CPEB1: variants seen among roughly 807,000 people sequenced by gnomAD.
CPEB1 encodes the protein cytoplasmic polyadenylation element binding protein 1.
Under a neutral mutation model 65.8 loss-of-function variants are expected in CPEB1, and 7 were observed. That is an observed-to-expected ratio of 0.11 (90% confidence interval 0.06 to 0.20). CPEB1 has a LOEUF of 0.20. Among genes scored for constraint, CPEB1 ranks in the 10% least tolerant of loss-of-function variants. The probability of loss-of-function intolerance (pLI) is 1.00; values close to 1 mark genes in which losing one functional copy is unlikely to be tolerated. For missense variants in CPEB1, 551 were observed against 712.2 expected, an observed-to-expected ratio of 0.77 and a Z score of 2.58; for synonymous variants, 262 against 260.0, an observed-to-expected ratio of 1.01 and a Z score of -0.08.
chr15:82,554,955 T>C (rs1567172967), intron 6 of CPEB1, among the ~76,000 whole-genome samples: 1 of 152,110 alleles, frequency 6.6e-6, no homozygotes, highest in Non-Finnish European at 1.5e-5. Flanking sequence ...GCCAAAATCA[T>C]TAGGTGAACA....
At position 82,609,386 on chromosome 15, in the gene CPEB1, A is replaced by T. The variant is rs1312931101; in HGVS notation, c.271+17807T>A. 2.0e-5 allele frequency among the ~76,000 whole-genome samples: 3 copies of T among 152,082 alleles called. No individual in the cohort carries two copies. The East Asian group carries it at 5.8e-4, about 29-fold the overall frequency. On this transcript the variant is annotated intron_variant, in intron 3 of 12. Transcript: ENST00000684509. ...CATGGTGGTGCACAACTGTAGTCCC[A>T]GCTGCTCAAGAGGCTGAGGTGGGAG... is the stretch of plus-strand genomic sequence containing the variant.
chr15:82,614,905 C>G lies in CPEB1; in HGVS notation c.271+12288G>C, dbSNP rs1470765433. On this transcript the variant is annotated intron_variant, in intron 3 of 12. Transcript: ENST00000684509. ...TATATATATATATGACCTCAGCCAA[C>G]GCTCTCACAACTGCATCTTTATATA... Among the ~76,000 whole-genome samples the G allele has an allele frequency of 3.3e-5, 5 of 151,622 alleles. No individual in the cohort carries two copies. In the East Asian group the frequency reaches 9.6e-4, roughly 29 times the overall value.
At chr15:82,596,741 G>A (rs1215790374) in intron 3 of CPEB1, among the ~76,000 whole-genome samples, 1 of 149,158 alleles carries the variant, frequency 6.7e-6, no homozygotes, top group African/African-American at 2.5e-5. Flanking sequence ...ATTATTTATA[G>A]CAAGAAGATA....
At chr15:82,546,389 C>T in intron 12 of CPEB1, 52 bp downstream of exon 12, 1 of 1,503,790 alleles carries the variant, frequency 6.6e-7, no homozygotes, top group East Asian at 2.3e-5. Context: ...ACCACCGCGC[C>T]CAGCCAACAA....
At chr15:82,591,109 C>G (rs2042216577) in intron 3 of CPEB1, among the ~76,000 whole-genome samples, 1 of 152,138 alleles carries the variant, frequency 6.6e-6, no homozygotes, top group Non-Finnish European at 1.5e-5. Context: ...TCCACAATGG[C>G]TGAACTAATT....
chr15:82,621,690 A>C (rs1235220921), intron 3 of CPEB1, among the ~76,000 whole-genome samples: 1 of 152,046 alleles, frequency 6.6e-6, no homozygotes, highest in Non-Finnish European at 1.5e-5. Context: ...AAAAGTCAGC[A>C]GTCTATTTAG....
chr15:82,645,783 G>A (rs1445848234), intron 1 of CPEB1, among the ~76,000 whole-genome samples: 1 of 152,012 alleles, frequency 6.6e-6, no homozygotes, highest in Non-Finnish European at 1.5e-5. Context: ...CAGGAGAATC[G>A]CTTGAACCCG....
intron 1 of CPEB1, among the ~76,000 whole-genome samples, chr15:82,645,725 G>A (rs892800291): frequency 1.3e-5 from 2 of 151,890 alleles, no homozygotes; most frequent in African/African-American, 2.4e-5. Context: ...AAAATCAGCC[G>A]CGCGTGGTGG....
At chr15:82,565,777 A>G (rs890410762) in intron 4 of CPEB1, among the ~76,000 whole-genome samples, 3 of 152,224 alleles carry the variant, frequency 2.0e-5, no homozygotes, top group Non-Finnish European at 2.9e-5. Context: ...GGGATCATGG[A>G]AAGTCTGAGG....
chr15:82,626,585 G>A (rs530656678), intron 3 of CPEB1, among the ~76,000 whole-genome samples: 45 of 152,232 alleles, frequency 3.0e-4, no homozygotes, highest in Middle Eastern at 6.8e-3. Context: ...CAACTTCAGG[G>A]GATGCTGCCC....
intron 3 of CPEB1, among the ~76,000 whole-genome samples, chr15:82,595,342 G>A (rs1312678410): frequency 2.0e-5 from 3 of 152,146 alleles, no homozygotes; most frequent in African/African-American, 7.2e-5. Flanking sequence ...GAATTTCTGG[G>A]TCACATGGTG....
chr15:82,617,215 C>T (rs1039921635), intron 3 of CPEB1, among the ~76,000 whole-genome samples: 1 of 152,194 alleles, frequency 6.6e-6, no homozygotes, highest in Non-Finnish European at 1.5e-5. Flanking sequence ...TCCTGAAATT[C>T]ATCCATGTTG....
intron 1 of CPEB1, among the ~76,000 whole-genome samples, chr15:82,632,176 G>A (rs1005646565): frequency 6.6e-6 from 1 of 151,680 alleles, no homozygotes; most frequent in Non-Finnish European, 1.5e-5. Flanking sequence ...TAGAGATGGG[G>A]TTTCACCACA....
intron 3 of CPEB1, among the ~76,000 whole-genome samples, chr15:82,574,007 C>A (rs1489806999): frequency 6.6e-6 from 1 of 152,068 alleles, no homozygotes; most frequent in Non-Finnish European, 1.5e-5. Flanking sequence ...CTAACACAAT[C>A]TTCCCACCCC....
chr15:82,552,698 T>C, intron 8 of CPEB1, 82 bp from the exon 9 acceptor site: 3 of 1,464,150 alleles, frequency 2.0e-6, no homozygotes, highest in Non-Finnish European at 2.8e-6. Context: ...AGGGCGTTTC[T>C]TCCAAGAAAG....
Position 82,628,168 on chromosome 15 carries a change from A to G in CPEB1, c.96+196T>C. ...ACAATGCCATCATTGTTACAGAAAAATCCATGAAAGCCATCATGCCCAAAA... is the reference window on the plus strand; with the variant it reads ...ACAATGCCATCATTGTTACAGAAAAGTCCATGAAAGCCATCATGCCCAAAA... On this transcript the variant is annotated intron_variant, in intron 2 of 12. Transcript: ENST00000684509. 3 of 699,184 alleles carry G rather than the reference A, an allele frequency of 4.3e-6. No homozygotes were observed. In the South Asian group the frequency reaches 4.5e-5, roughly 10 times the overall value. The allele number at this position is 699,184 out of a possible 1,614,324, so 43.3% of individuals were successfully genotyped here. A position where few individuals can be genotyped will look rare whatever the true frequency, so the allele number is the denominator to read the frequency against.
intron 3 of CPEB1, among the ~76,000 whole-genome samples, chr15:82,604,955 G>A (rs565687258): frequency 6.6e-6 from 1 of 152,236 alleles, no homozygotes; most frequent in African/African-American, 2.4e-5. Context: ...CACATTAAAT[G>A]GTCAAAAGCC....
chr15:82,576,751 G>A (rs1000110534), intron 3 of CPEB1, among the ~76,000 whole-genome samples: 1 of 152,194 alleles, frequency 6.6e-6, no homozygotes, highest in East Asian at 1.9e-4. Context: ...GGCTGGGTGT[G>A]GTGGCTCATA....
intron 3 of CPEB1, among the ~76,000 whole-genome samples, chr15:82,589,442 T>C (rs1449323470): frequency 6.6e-6 from 1 of 152,202 alleles, no homozygotes; most frequent in East Asian, 1.9e-4. Flanking sequence ...TTCATATTGC[T>C]GAGTATAATT....
Sources: allele counts gnomAD v4.1 joint callset (sites outside exome capture counted in the v4.1 genomes callset), GRCh38; gene constraint gnomAD v4.1.1; transcripts MANE v1.5; gene names NCBI Gene and HGNC (gene_info 2026-07-23, HGNC 2026-07-21).